Variants in SOX6 observed in about 807,000 individuals in gnomAD.
The protein encoded by SOX6 is SRY-box transcription factor 6, also known as transcription factor SOX-6.
A neutral mutation model predicts 97.8 loss-of-function variants in SOX6; 11 were observed. The observed-to-expected ratio is 0.11, with a 90% CI of 0.07 to 0.19. SOX6 has a LOEUF of 0.19. Among genes scored for constraint, SOX6 ranks in the 10% least tolerant of loss-of-function variants. The pLI is 1.00. For synonymous variants in SOX6, 360 were observed against 371.4 expected, an observed-to-expected ratio of 0.97 and a Z score of 0.35; for missense variants, 810 against 1,039.5, an observed-to-expected ratio of 0.78 and a Z score of 3.04.
chr11:16,533,015 T>C (rs191684700), intron 4 of SOX6, among the ~76,000 whole-genome samples: 7 of 152,016 alleles, frequency 4.6e-5, no homozygotes, highest in African/African-American at 1.2e-4. Context: ...AAGTATAATA[T>C]GAATTTCTGA....
At chr11:16,321,600 A>C (rs1410769980) in intron 2 of SOX6, among the ~76,000 whole-genome samples, 1 of 152,100 alleles carries the variant, frequency 6.6e-6, no homozygotes, top group Non-Finnish European at 1.5e-5. Context: ...CCTGCACCAC[A>C]GACAATAACC....
At chr11:16,641,547 C>T (rs1168874887) in intron 3 of SOX6, among the ~76,000 whole-genome samples, 1 of 152,150 alleles carries the variant, frequency 6.6e-6, no homozygotes, top group Non-Finnish European at 1.5e-5. Context: ...GTCTAAGTCT[C>T]TTTATAGGTC....
intron 1 of SOX6, among the ~76,000 whole-genome samples, chr11:16,446,210 G>T (rs555177527): frequency 1.3e-5 from 2 of 151,796 alleles, no homozygotes; most frequent in South Asian, 2.1e-4. Flanking sequence ...CAAAATGAAG[G>T]GGCAAAAGAG....
chr11:16,257,404 C>T (rs982511001), intron 3 of SOX6, among the ~76,000 whole-genome samples: 3 of 151,824 alleles, frequency 2.0e-5, no homozygotes, highest in Non-Finnish European at 4.4e-5. Context: ...AACAGACTCA[C>T]ATAAATATGG....
chr11:16,529,220 G>A (rs992194685), intron 4 of SOX6, among the ~76,000 whole-genome samples: 1 of 152,026 alleles, frequency 6.6e-6, no homozygotes, highest in Non-Finnish European at 1.5e-5. Context: ...GCAGAAAATT[G>A]TCTAACCATC....
At chr11:16,393,360 C>A (rs968092888) in intron 1 of SOX6, among the ~76,000 whole-genome samples, 5 of 151,920 alleles carry the variant, frequency 3.3e-5, no homozygotes, top group Non-Finnish European at 5.9e-5. Flanking sequence ...AATGAAGCAA[C>A]AGCCTCCTTG....
At chr11:16,059,839 A>C (rs1206072740) in intron 9 of SOX6, among the ~76,000 whole-genome samples, 1 of 151,948 alleles carries the variant, frequency 6.6e-6, no homozygotes, top group Non-Finnish European at 1.5e-5. Flanking sequence ...TGTCTTCAAA[A>C]TGGGGACAGG....
At chr11:16,519,506 G>T (rs1861023402) in intron 4 of SOX6, among the ~76,000 whole-genome samples, 1 of 151,960 alleles carries the variant, frequency 6.6e-6, no homozygotes, top group African/African-American at 2.4e-5. Context: ...TTCCATCGAT[G>T]TTGCTGCAAA....
At chr11:16,355,832 C>T (rs1434177585) in intron 1 of SOX6, among the ~76,000 whole-genome samples, 3 of 151,994 alleles carry the variant, frequency 2.0e-5, no homozygotes, top group African/African-American at 4.8e-5. Flanking sequence ...TAAAAATCTA[C>T]GAGATGCTAC....
At chr11:16,132,697 T>C (rs1289168240) in intron 6 of SOX6, among the ~76,000 whole-genome samples, 2 of 147,996 alleles carry the variant, frequency 1.4e-5, no homozygotes, top group African/African-American at 5.2e-5. Flanking sequence ...GGGTTACCTT[T>C]TTTTTTTTTT....
intron 3 of SOX6, among the ~76,000 whole-genome samples, chr11:16,630,638 T>G (rs1848693187): frequency 1.3e-5 from 2 of 152,148 alleles, no homozygotes; most frequent in African/African-American, 4.8e-5. Context: ...AGTCTAAAAT[T>G]TGTTAGTTTT....
chr11:16,033,702 C>T (rs1855444827), intron 12 of SOX6, among the ~76,000 whole-genome samples: 2 of 152,070 alleles, frequency 1.3e-5, no homozygotes, highest in African/African-American at 4.8e-5. Context: ...GAAACCCCAT[C>T]TCTACTAAAG....
At chr11:16,009,657 C>A (rs545872287) in intron 13 of SOX6, among the ~76,000 whole-genome samples, 39 of 152,184 alleles carry the variant, frequency 2.6e-4, no homozygotes, top group Non-Finnish European at 4.9e-4. Context: ...GACTACTTGT[C>A]AGGGATATGA....
intron 13 of SOX6, among the ~76,000 whole-genome samples, chr11:15,998,288 T>C (rs1466637034): frequency 6.6e-6 from 1 of 150,682 alleles, no homozygotes; most frequent in Non-Finnish European, 1.5e-5. Flanking sequence ...TTCTTTATAC[T>C]AGCAACAAAC....
chr11:16,324,059 T>G (rs993874194), intron 2 of SOX6, among the ~76,000 whole-genome samples: 1 of 151,818 alleles, frequency 6.6e-6, no homozygotes, highest in South Asian at 2.1e-4. Context: ...GGGTGCACAC[T>G]TGTGCTCCCA....
At chr11:16,132,444 A>AGAAAGAAAAAAGAAAG (rs1554934020) in intron 6 of SOX6, among the ~76,000 whole-genome samples, 2 of 27,240 alleles carry the variant, frequency 7.3e-5, no homozygotes, top group Admixed American at 4.2e-4. Flanking sequence ...AAAGAAAGAA[A>AGAAAGAAAAAAGAAAG]AAAGAAAGAA....
chr11:16,402,715 GGTATTT>G (rs1858593204), intron 1 of SOX6: 2 of 1,610,378 alleles, frequency 1.2e-6, no homozygotes, highest in South Asian at 1.1e-5. Flanking sequence ...CTAAACTGTA[GGTATTT>G]GTTCCATCAC....
intron 4 of SOX6, among the ~76,000 whole-genome samples, chr11:16,491,948 T>C (rs1361013544): frequency 2.0e-5 from 3 of 152,142 alleles, no homozygotes; most frequent in East Asian, 3.9e-4. Context: ...AAAGGTTCCA[T>C]GAACACCTTA....
intron 6 of SOX6, among the ~76,000 whole-genome samples, chr11:16,169,938 A>C (rs1466931776): frequency 1.4e-5 from 2 of 145,776 alleles, no homozygotes; most frequent in African/African-American, 5.1e-5. Context: ...AAAAAAAAAA[A>C]GTGGTAGATT....
Sources: allele counts gnomAD v4.1 joint callset (sites outside exome capture counted in the v4.1 genomes callset), GRCh38; gene constraint gnomAD v4.1.1; transcripts MANE v1.5; gene names NCBI Gene and HGNC (gene_info 2026-07-23, HGNC 2026-07-21).